Variants in CHD2 observed in about 807,000 individuals in gnomAD.
CHD2 encodes chromodomain helicase DNA binding protein 2.
Under a neutral mutation model 243.9 loss-of-function variants are expected in CHD2, and 28 were observed. That is an observed-to-expected ratio of 0.11 (90% CI 0.09 to 0.16). The LOEUF (loss-of-function observed/expected upper bound fraction) is 0.16. Among genes scored for constraint, CHD2 ranks in the 10% least tolerant of loss-of-function variants. The pLI is 1.00. For synonymous variants in CHD2, 775 were observed against 779.0 expected, an observed-to-expected ratio of 0.99 and a Z score of 0.09; for missense variants, 1,386 against 2,209.8, an observed-to-expected ratio of 0.63 and a Z score of 7.47.
Position 93,008,499 on chromosome 15 carries a change from C to T in CHD2, c.4414-646C>T, listed in dbSNP as rs1010293920. On this transcript the variant is annotated intron_variant, in intron 34 of 38. Coordinates refer to ENST00000394196, the MANE Select transcript of CHD2 (RefSeq NM_001271.4). ...GTTGGGGGAATTTTGCCGTGTAAGTCAGGTTAGTTCTAGGCTGTCTTCCCT... is the reference window on the plus strand; with the variant it reads ...GTTGGGGGAATTTTGCCGTGTAAGTTAGGTTAGTTCTAGGCTGTCTTCCCT... 5.9e-5 allele frequency among the ~76,000 whole-genome samples: 9 copies of T among 152,298 alleles called. 1 individual carries two copies. In the Middle Eastern group the frequency reaches 0.01, roughly 173 times the overall value.
At chr15:93,001,703 G>C (rs540615887) in intron 32 of CHD2, among the ~76,000 whole-genome samples, 1 of 152,184 alleles carries the variant, frequency 6.6e-6, no homozygotes, top group African/African-American at 2.4e-5. Flanking sequence ...TTTTAGAAGA[G>C]ACAGGGTTTC....
chr15:92,934,269 A>G (rs1436985182), intron 5 of CHD2, among the ~76,000 whole-genome samples: 1 of 152,182 alleles, frequency 6.6e-6, no homozygotes, highest in African/African-American at 2.4e-5. Context: ...TTTCCCAATA[A>G]AGGAAGAAAA....
In CHD2 at chr15:92,985,587, T is replaced by A. The variant is rs780162861; in HGVS notation, c.3327T>A (p.Asp1109Glu). 1.2e-6 allele frequency: 2 copies of A among 1,614,092 alleles called. No individual in the cohort carries two copies. Among genetic ancestry groups the A allele is most frequent in the Non-Finnish European group, 8.5e-7 (1 of 1,180,018 alleles). The change falls in exon 26 of 39, where the codon GAT becomes GAA. Residue 1109 changes from aspartate (D) to glutamate (E), a missense_variant. By Grantham distance (45) the Asp-to-Glu change is conservative. Coordinates refer to ENST00000394196, the MANE Select transcript of CHD2 (RefSeq NM_001271.4). Reference protein sequence around the residue: ...SASESETEDSDDDKKPKRRGR... With the variant: ...SASESETEDSEDDKKPKRRGR... ...CTGAGAGTGAAACGGAAGACTCTGA[T>A]GATGACAAGAAGCCAAAGCGCAGAG...
rs1321217579 is a variant in CHD2 at position 92,953,348 on chromosome 15, T to G, written c.1503-9T>G. The G allele has an allele frequency of 6.2e-7, 1 of 1,609,800 alleles. No individual in the cohort carries two copies. Among genetic ancestry groups the G allele is most frequent in the South Asian group, 1.1e-5 (1 of 90,158 alleles). On this transcript the variant is annotated splice_polypyrimidine_tract_variant and intron_variant, in intron 13 of 38. Transcript: ENST00000394196. ...TTTTTTTGTTTTTATTTATTTTTTC[T>G]TTCTGCAGAAATAATAGTGTAATCC...
rs890103715 is a variant in CHD2 at position 92,964,659 on chromosome 15, G to GT, written c.2001-2665dup. Among the ~76,000 whole-genome samples the GT allele has an allele frequency of 3.0e-4, 46 of 152,254 alleles. No homozygotes were observed. The East Asian group carries it at 6.7e-3, about 22-fold the overall frequency. On this transcript the variant is annotated intron_variant, in intron 16 of 38. Coordinates refer to ENST00000394196, the MANE Select transcript of CHD2 (RefSeq NM_001271.4). ...TCCTGCAGGGTGGCTCTGACAGGGA[G>GT]TACACATGACTAACCATATTGGGAA...
intron 13 of CHD2, among the ~76,000 whole-genome samples, chr15:92,949,487 A>C (rs1307395469): frequency 6.6e-6 from 1 of 152,142 alleles, no homozygotes; most frequent in Non-Finnish European, 1.5e-5. Context: ...AATTTCCTAC[A>C]GTAGTGCTGT....
intron 2 of CHD2, chr15:92,904,750 C>G: frequency 2.9e-6 from 4 of 1,380,566 alleles, no homozygotes; most frequent in East Asian, 5.4e-5. Context: ...TACATTTTCC[C>G]TTTTCATACC....
At position 92,953,535 on chromosome 15, in the gene CHD2, G is replaced by A. The variant is rs373363898; in HGVS notation, c.1681G>A (p.Val561Ile). The change falls in exon 14 of 39, where the codon GTA becomes ATA. Residue 561 changes from valine to isoleucine, a missense_variant. By Grantham distance (29) the Val-to-Ile change is conservative. This residue lies in a region of CHD2 where 63 missense variants were observed against 108.8 expected (regional missense o/e 0.58). Coordinates refer to ENST00000394196, the MANE Select transcript of CHD2 (RefSeq NM_001271.4). ...TGAAATCTGGGCACCAGAGATTAACGTAGTGGTTTACATAGGTGACCTGAT... is the reference window on the plus strand; with the variant it reads ...TGAAATCTGGGCACCAGAGATTAACATAGTGGTTTACATAGGTGACCTGAT... ...EFEIWAPEINVVVYIGDLMSR... is the reference protein window; with the variant it reads ...EFEIWAPEINIVVYIGDLMSR... 1.9e-5 allele frequency: 30 copies of A among 1,614,018 alleles called. No individual in the cohort carries two copies. Among genetic ancestry groups the A allele is most frequent in the South Asian group, 4.4e-5 (4 of 91,092 alleles).
At chr15:92,976,892 C>G (rs1257631256) in intron 20 of CHD2, among the ~76,000 whole-genome samples, 1 of 149,172 alleles carries the variant, frequency 6.7e-6, no homozygotes, top group Non-Finnish European at 1.5e-5. Context: ...GAATGAGACC[C>G]TGTCTCAAAA....
intron 38 of CHD2, chr15:93,022,146 A>G (rs1221617156): frequency 1.3e-5 from 2 of 152,292 alleles, no homozygotes; most frequent in Admixed American, 6.5e-5. Context: ...ATTTATAGAG[A>G]AAAGAGTTTT....
Position 93,014,810 on chromosome 15 carries a change from C to A in CHD2, c.4807C>A (p.Pro1603Thr). Reference protein sequence around the residue: ...SQSHTSHNLHPQKPHLPASHG... With the variant: ...SQSHTSHNLHTQKPHLPASHG... Reference sequence around the variant, plus strand: ...GTCCCATACCTCACACAACCTTCACCCTCAGAAGCCTCATTTGCCTGCCTC... The same window carrying A: ...GTCCCATACCTCACACAACCTTCACACTCAGAAGCCTCATTTGCCTGCCTC... Residue 1603 changes from proline (P) to threonine (T), a missense_variant, in exon 37 of 39, where the codon CCT (proline) becomes ACT (threonine). Around this residue, in one of 19 missense-constraint regions of CHD2, gnomAD observed 347 missense variants for 341.6 expected, o/e 1.02. Transcript: ENST00000394196. 1.2e-6 allele frequency: 2 copies of A among 1,614,186 alleles called. No individual in the cohort carries two copies. The highest frequency in any genetic ancestry group is 1.7e-6 in the Non-Finnish European group (2 of 1,180,034).
At chr15:92,923,163 T>C (rs775105084) in intron 2 of CHD2, among the ~76,000 whole-genome samples, 1 of 152,246 alleles carries the variant, frequency 6.6e-6, no homozygotes, top group Non-Finnish European at 1.5e-5. Flanking sequence ...TTTATAAAGC[T>C]CCTCAGATGA....
At chr15:92,941,701 T>G in intron 7 of CHD2, 121 bp from the exon 8 acceptor site, 1 of 1,001,580 alleles carries the variant, frequency 1.0e-6, no homozygotes, top group South Asian at 1.6e-5. Flanking sequence ...ATGGCAGATC[T>G]ATAAAACAAC....
intron 2 of CHD2, among the ~76,000 whole-genome samples, chr15:92,909,697 CCTGT>C (rs1411094768): frequency 6.6e-6 from 1 of 152,042 alleles, no homozygotes; most frequent in African/African-American, 2.4e-5. Context: ...TACCACCCCA[CCTGT>C]CTAATTTTTG....
At chr15:92,936,289 C>G (rs955539703) in intron 5 of CHD2, among the ~76,000 whole-genome samples, 2 of 152,176 alleles carry the variant, frequency 1.3e-5, no homozygotes, top group Non-Finnish European at 2.9e-5. Context: ...TGACATTTGT[C>G]TTGTTGTAGC....
intron 2 of CHD2, chr15:92,902,866 A>G (rs2052549638): frequency 6.6e-6 from 1 of 152,208 alleles, no homozygotes; most frequent in Non-Finnish European, 1.5e-5. Context: ...TGTGGTTAAC[A>G]TCATTGATCA....
chr15:92,927,355 A>T (rs371973456), intron 4 of CHD2, 25 bp downstream of exon 4: 3 of 1,529,266 alleles, frequency 2.0e-6, no homozygotes, highest in Non-Finnish European at 2.7e-6. Context: ...TTTTAAGGGC[A>T]TGCATTTAAA....
chr15:93,024,357 G>A lies in CHD2; in HGVS notation c.5154-15G>A, dbSNP rs1357303825. ...GGCTTCAGTCTTTCGACTAATCCTTGCATCTCTATTTCAGGCACCATCATG... is the reference window on the plus strand; with the variant it reads ...GGCTTCAGTCTTTCGACTAATCCTTACATCTCTATTTCAGGCACCATCATG... On this transcript the variant is annotated splice_polypyrimidine_tract_variant and intron_variant, in intron 38 of 38. Coordinates refer to ENST00000394196, the MANE Select transcript of CHD2 (RefSeq NM_001271.4). The A allele has an allele frequency of 6.2e-7, 1 of 1,605,508 alleles. No individual in the cohort carries two copies. Among genetic ancestry groups the A allele is most frequent in the Non-Finnish European group, 8.5e-7 (1 of 1,174,590 alleles).
chr15:93,010,691 T>A (rs959122456), intron 35 of CHD2, among the ~76,000 whole-genome samples: 11 of 152,240 alleles, frequency 7.2e-5, no homozygotes, highest in Admixed American at 6.5e-4. Flanking sequence ...CCCGAAATGC[T>A]GGGATTACAG....
Sources: gnomAD v4.1 joint callset for allele counts (sites outside exome capture counted in the v4.1 genomes callset) on GRCh38, gnomAD v4.1.1 for gene constraint, gnomAD v4.1.1 regional missense constraint, MANE v1.5 for transcripts, NCBI Gene and HGNC (gene_info 2026-07-23, HGNC 2026-07-21) for gene names.